The following KIAA1210 variants were observed in gnomAD, a reference collection of about 807,000 sequenced individuals.
KIAA1210 encodes the protein acrosomal protein KIAA1210.
Under a neutral mutation model 78.9 loss-of-function variants are expected in KIAA1210, and 48 were observed. The ratio of observed to expected loss-of-function variants is 0.61; its 90% CI spans 0.48 to 0.77. The LOEUF (loss-of-function observed/expected upper bound fraction) is 0.77. Among genes scored for constraint, KIAA1210 ranks in the 30% least tolerant of loss-of-function variants. KIAA1210 has a pLI of 0.00. For synonymous variants in KIAA1210, 406 were observed against 404.5 expected (o/e 1.00, Z -0.04); for missense variants, 1,108 against 1,100.0 (o/e 1.01, Z -0.10).
Position 119,096,690 on chromosome X carries a change from C to A in KIAA1210, c.650G>T (p.Ser217Ile). Residue 217 changes from serine to isoleucine, a missense_variant and splice_region_variant, in exon 7 of 12, where the codon AGC (serine) becomes ATC (isoleucine). This residue lies in a region of KIAA1210 where 672 missense variants were observed against 607.1 expected (regional missense o/e 1.11). Coordinates refer to ENST00000691062, the MANE Select transcript of KIAA1210 (RefSeq NM_001394962.1). ...LPHKSLTATQ[S>I]FSELSSGPDC... ...AGGTCCAGATGATAACTCAGAGAAG[C>A]TCTGGGGAAGGTGGGAGAAAATAGA... The A allele has an allele frequency of 1.7e-6, 2 of 1,189,428 alleles. No individual in the cohort carries two copies. The highest frequency in any genetic ancestry group is 2.3e-6 in the Non-Finnish European group (2 of 881,634).
In KIAA1210 at chrX:119,086,720, G is replaced by A; in HGVS notation, c.3982C>T (p.Pro1328Ser). The A allele has an allele frequency of 8.3e-7, 1 of 1,211,222 alleles. No homozygotes were observed. The highest frequency in any genetic ancestry group is 1.1e-6 in the Non-Finnish European group (1 of 895,289). The change falls in exon 9 of 12, where the codon CCC becomes TCC. Residue 1328 changes from proline (P) to serine (S), a missense_variant. By Grantham distance (74) the Pro-to-Ser change is moderately conservative (BLOSUM62 -1). This residue lies in a region of KIAA1210 where 245 missense variants were observed against 278.8 expected (regional missense o/e 0.88). Transcript: ENST00000691062. ...ACAGAGGATGAAATTGGGCCCGAGG[G>A]CACTGAAGCAAGCTGGGTGAAGTTA... ...QDNFTQLASV[P>S]SGPISSSVGR...
At chrX:119,096,459 CA>C (rs1569315016) in intron 7 of KIAA1210, 34 bp downstream of exon 7, 1 of 1,135,971 alleles carries the variant, frequency 8.8e-7, no homozygotes, top group Admixed American at 2.3e-5. Context: ...TTTTCTTATA[CA>C]GGAGTTTAGT....
intron 6 of KIAA1210, among the ~76,000 whole-genome samples, chrX:119,097,327 T>C (rs1927588188): frequency 9.0e-6 from 1 of 111,457 alleles, no homozygotes; most frequent in African/African-American, 3.3e-5. Flanking sequence ...CATATCTCCA[T>C]ACTATTTGGT....
rs148039087 is a variant in KIAA1210 at position 119,099,936 on chromosome X, A to T, written c.649-3245T>A. 6.6e-3 allele frequency among the ~76,000 whole-genome samples: 731 copies of T among 111,569 alleles called. 2 individuals are homozygous for T. The highest frequency in any genetic ancestry group is 0.023 in the African/African-American group (707 of 30,678). The stretch of plus-strand genomic sequence containing the variant: ...CAGCAAGTTCAGGAATAATCCCATC[A>T]GTTGCCTTAGAACAGGAGTCAGAAA... On this transcript the variant is annotated intron_variant, in intron 6 of 11. Transcript: ENST00000691062.
chrX:119,116,875 G>A (rs1603269457), intron 2 of KIAA1210, among the ~76,000 whole-genome samples: 1 of 111,962 alleles, frequency 8.9e-6, no homozygotes, highest in African/African-American at 3.2e-5. Flanking sequence ...TGAGTTACTG[G>A]TAAAAGCAGA....
chrX:119,094,914 T>G (rs1369011153), intron 7 of KIAA1210, among the ~76,000 whole-genome samples: 1 of 111,401 alleles, frequency 9.0e-6, no homozygotes, highest in Non-Finnish European at 1.9e-5. Context: ...AGGTTTGTGG[T>G]GAGGTATTCA....
intron 2 of KIAA1210, chrX:119,147,381 T>C (rs1450154566): frequency 2.8e-6 from 3 of 1,083,333 alleles, no homozygotes; most frequent in Non-Finnish European, 3.8e-6. Flanking sequence ...CAGGGAAGTT[T>C]TGCAGCCAAG....
At chrX:119,095,563 T>C (rs1232312469) in intron 7 of KIAA1210, among the ~76,000 whole-genome samples, 1 of 111,095 alleles carries the variant, frequency 9.0e-6, no homozygotes, top group Non-Finnish European at 1.9e-5. Flanking sequence ...TAATTTTGTA[T>C]TTTTAGTAGA....
At chrX:119,113,891 T>G (rs1336543217) in intron 3 of KIAA1210, among the ~76,000 whole-genome samples, 1 of 111,701 alleles carries the variant, frequency 9.0e-6, no homozygotes, top group East Asian at 2.8e-4. Flanking sequence ...CTTTGTATGA[T>G]TCCACTTACA....
Position 119,085,505 on chromosome X carries a change from G to T in KIAA1210, c.4198C>A (p.Pro1400Thr). Residue 1400 changes from proline to threonine, a missense_variant, in exon 10 of 12, where the codon CCG becomes ACG. Coordinates refer to ENST00000691062, the MANE Select transcript of KIAA1210 (RefSeq NM_001394962.1). The stretch of plus-strand genomic sequence containing the variant: ...TGCTTTGCCATAGTTATCCAAACCG[G>T]CTCTGAGACAGCATAATCTGACTGT... ...GQQSDYAVSE[P>T]VWITMAKQKQ... is the part of the protein sequence containing the mutation. 8.3e-7 allele frequency: 1 copy of T among 1,211,011 alleles called. No individual in the cohort carries two copies. Among genetic ancestry groups the T allele is most frequent in the East Asian group, 3.0e-5 (1 of 33,855 alleles).
chrX:119,147,150 C>T (rs1346674815), intron 2 of KIAA1210, among the ~76,000 whole-genome samples: 2 of 110,978 alleles, frequency 1.8e-5, no homozygotes, highest in Admixed American at 9.6e-5. Context: ...CGCAAGGTCT[C>T]GGGTTCCGGA....
intron 10 of KIAA1210, among the ~76,000 whole-genome samples, chrX:119,084,257 C>T (rs1360742655): frequency 1.8e-5 from 2 of 110,484 alleles, no homozygotes; most frequent in Non-Finnish European, 3.8e-5. Flanking sequence ...GGGAGAAAGG[C>T]ATCATCCCAT....
chrX:119,089,504 TG>T lies in KIAA1210; in HGVS notation c.1197del (p.Asn400IlefsTer14). ...GLGDRAGSSP[T>X]NKTARNVPFS... ...AAAGGGACATTCCTGGCAGTCTTAT[TG>T]GTAGGTGAAGACCCAGCTCTATCGC... On this transcript the variant is annotated frameshift_variant, in exon 9 of 12. Coordinates refer to ENST00000691062, the MANE Select transcript of KIAA1210 (RefSeq NM_001394962.1). LOFTEE classifies it high-confidence loss of function. 1 of 1,211,818 alleles carries T rather than the reference TG, an allele frequency of 8.3e-7. No individual in the cohort carries two copies. The highest frequency in any genetic ancestry group is 1.1e-6 in the Non-Finnish European group (1 of 895,443).
intron 1 of KIAA1210, among the ~76,000 whole-genome samples, chrX:119,126,180 G>A (rs1021997642): frequency 1.5e-4 from 16 of 105,090 alleles, no homozygotes; most frequent in Non-Finnish European, 2.7e-4. Flanking sequence ...CTGCTTTCTA[G>A]CTGTAAACCC....
intron 2 of KIAA1210, among the ~76,000 whole-genome samples, chrX:119,141,429 TC>T (rs1929048297): frequency 8.9e-6 from 1 of 112,459 alleles, no homozygotes; most frequent in East Asian, 2.8e-4. Flanking sequence ...ATCTGGACTT[TC>T]CCAGGTCCAT....
At chrX:119,082,934 A>T (rs1026368921) in intron 11 of KIAA1210, 81 bp downstream of exon 11, 3 of 587,310 alleles carry the variant, frequency 5.1e-6, no homozygotes, top group East Asian at 3.3e-5. Flanking sequence ...AGAGACAAGT[A>T]TTATCTGAGC....
At chrX:119,112,760 C>T (rs1928121849) in intron 3 of KIAA1210, among the ~76,000 whole-genome samples, 2 of 111,885 alleles carry the variant, frequency 1.8e-5, no homozygotes, top group Admixed American at 1.9e-4. Flanking sequence ...TAAAGTGGTC[C>T]AGCCACTTTG....
upstream of KIAA1210, among the ~76,000 whole-genome samples, chrX:119,129,000 A>T (rs894720313): frequency 8.9e-5 from 10 of 112,404 alleles, no homozygotes; most frequent in Non-Finnish European, 1.7e-4. Context: ...ACATCTTCAT[A>T]GCCCTCACTG....
chrX:119,087,929 A>G lies in KIAA1210; in HGVS notation c.2773T>C (p.Ser925Pro), dbSNP rs1305725794. The G allele has an allele frequency of 2.5e-6, 3 of 1,210,131 alleles. No homozygotes were observed. In the South Asian group the frequency reaches 5.3e-5, roughly 21 times the overall value. Residue 925 changes from serine (S) to proline (P), a missense_variant, in exon 9 of 12, where the codon TCT becomes CCT. Ser to Pro is a moderately conservative substitution (Grantham distance 74). This residue lies in a region of KIAA1210 where 179 missense variants were observed against 174.1 expected (regional missense o/e 1.03). Transcript: ENST00000691062. ...TPKFEELYQL[S>P]AHPESTTVEE... ...ACAGTAGTGCTTTCTGGATGTGCAG[A>G]GAGTTGATACAGTTCCTCAAATTTA...
Sources: gnomAD v4.1 joint callset for allele counts (sites outside exome capture counted in the v4.1 genomes callset) on GRCh38, gnomAD v4.1.1 for gene constraint, gnomAD v4.1.1 regional missense constraint, MANE v1.5 for transcripts, NCBI Gene and HGNC (gene_info 2026-07-23, HGNC 2026-07-21) for gene names.